CLK3: variants seen among roughly 807,000 people sequenced by gnomAD.
CLK3 encodes CDC like kinase 3.
CLK3 carries 24 observed loss-of-function variants against 65.2 expected under a neutral mutation model. The observed-to-expected ratio is 0.37, with a 90% CI of 0.27 to 0.52. The LOEUF is 0.52. Among genes scored for constraint, CLK3 ranks in the 20% least tolerant of loss-of-function variants. CLK3 has a pLI of 0.92. For missense variants in CLK3, 506 were observed against 660.0 expected, an observed-to-expected ratio of 0.77 and a Z score of 2.56; for synonymous variants, 252 against 240.8, an observed-to-expected ratio of 1.05 and a Z score of -0.43.
chr15:74,608,955 C>T (rs751596821), intron 1 of CLK3, among the ~76,000 whole-genome samples: 3 of 152,218 alleles, frequency 2.0e-5, no homozygotes, highest in Non-Finnish European at 4.4e-5. Context: ...CCCGGGGCCA[C>T]ACCCAGTGCT....
Position 74,615,881 on chromosome 15 carries a change from G to C in CLK3, c.-18G>C. On this transcript the variant is annotated 5_prime_UTR_variant, in exon 1 of 13. Coordinates refer to ENST00000395066, the MANE Select transcript of CLK3 (RefSeq NM_001130028.2). ...GAGCGGGGAGTGGGGCCTAGCTGCA[G>C]CCGGAGCCTGGGAGACGGTAAGTGT... is the stretch of plus-strand genomic sequence containing the variant. 8.0e-7 allele frequency: 1 copy of C among 1,254,660 alleles called. No individual in the cohort carries two copies. The allele number at this position is 1,254,660 out of a possible 1,614,324, so 77.7% of individuals were successfully genotyped here.
chr15:74,614,441 A>C (rs1433779383), upstream of CLK3, among the ~76,000 whole-genome samples: 1 of 152,194 alleles, frequency 6.6e-6, no homozygotes, highest in Non-Finnish European at 1.5e-5. Context: ...AGTCCCCTGC[A>C]AGGAGCTGGA....
In CLK3 at chr15:74,622,377, G is replaced by C. The variant is rs1221052853; in HGVS notation, c.467-117G>C. 1 of 1,051,722 alleles carries C rather than the reference G, an allele frequency of 9.5e-7. No individual in the cohort carries two copies. The highest frequency in any genetic ancestry group is 1.4e-6 in the Non-Finnish European group (1 of 701,794). The allele number at this position is 1,051,722 out of a possible 1,614,324, so 65.1% of individuals were successfully genotyped here. ...ACACTAGCAACTTCCATTTTTAAGAGTGTAGCAGTGAGAGAGAAACCTTTT... is the reference window on the plus strand; with the variant it reads ...ACACTAGCAACTTCCATTTTTAAGACTGTAGCAGTGAGAGAGAAACCTTTT... On this transcript the variant is annotated intron_variant, in intron 4 of 12. Coordinates refer to ENST00000395066, the MANE Select transcript of CLK3 (RefSeq NM_001130028.2). This position sits in a 1 kb window ranked among gnomAD's most constrained non-coding sequence, Gnocchi z 4.6.
chr15:74,619,636 G>A (rs1228984139), intron 2 of CLK3, among the ~76,000 whole-genome samples: 1 of 152,098 alleles, frequency 6.6e-6, no homozygotes, highest in Non-Finnish European at 1.5e-5. Flanking sequence ...GCCTTCCTTG[G>A]TGAGGATTAG....
rs745422495 is a variant in CLK3 at position 74,629,688 on chromosome 15, A to T, written c.1297-19A>T. On this transcript the variant is annotated intron_variant, in intron 12 of 12. Coordinates refer to ENST00000395066, the MANE Select transcript of CLK3 (RefSeq NM_001130028.2). Reference sequence around the variant, plus strand: ...CACGACCCTGCCGTCACACTGAGGCACCTTGTGTCCCTGAGCAGAGTTACA... The same window carrying T: ...CACGACCCTGCCGTCACACTGAGGCTCCTTGTGTCCCTGAGCAGAGTTACA... 6.3e-5 allele frequency: 101 copies of T among 1,597,556 alleles called. No individual in the cohort carries two copies. The highest frequency in any genetic ancestry group is 7.7e-5 in the Non-Finnish European group (90 of 1,167,816).
At chr15:74,611,994 TTC>T (rs1381895185), upstream of CLK3, among the ~76,000 whole-genome samples, 22 of 152,224 alleles carry the variant, frequency 1.4e-4, no homozygotes, top group African/African-American at 4.6e-4. Flanking sequence ...CACTAAACAG[TTC>T]TCAGTTCCCA....
At chr15:74,626,883 G>A (rs2062146973) in intron 7 of CLK3, 7 of 425,918 alleles carry the variant, frequency 1.6e-5, no homozygotes, top group South Asian at 1.0e-4. Flanking sequence ...TATGCGACCT[G>A]TGCACTCAGT....
Position 74,628,587 on chromosome 15 carries a change from T to C in CLK3, c.1126-17T>C. On this transcript the variant is annotated splice_polypyrimidine_tract_variant and intron_variant, in intron 10 of 12. Coordinates refer to ENST00000395066, the MANE Select transcript of CLK3 (RefSeq NM_001130028.2). The stretch of plus-strand genomic sequence containing the variant: ...AGCTAGTACTGACCCCCTTGCACTG[T>C]CCCTAATCTTCCACAGACCCACGAA... 3 of 1,603,658 alleles carry C rather than the reference T, an allele frequency of 1.9e-6. No individual in the cohort carries two copies. Among genetic ancestry groups the C allele is most frequent in the Non-Finnish European group, 1.7e-6 (2 of 1,171,838 alleles).
chr15:74,615,769 C>T, upstream of CLK3: 2 of 1,242,324 alleles, frequency 1.6e-6, no homozygotes, highest in Non-Finnish European at 1.0e-6. Context: ...CGAGCCGGGT[C>T]GAGCCGAGGC....
rs745621658 is a variant in CLK3, at chr15:74,622,097, G to A, written c.370-23G>A. 1.9e-5 allele frequency: 30 copies of A among 1,612,010 alleles called. 1 individual carries two copies. In the South Asian group the frequency reaches 1.9e-4, roughly 10 times the overall value. On this transcript the variant is annotated intron_variant, in intron 3 of 12. Coordinates refer to ENST00000395066, the MANE Select transcript of CLK3 (RefSeq NM_001130028.2). The surrounding 1 kb of genome is among the most constrained non-coding windows in gnomAD (Gnocchi z 4.6). ...CCTACCATGCGATTGGTCGGATGGCGTTTCGGGGGGCGGTGCATGCAGAGA... is the reference window on the plus strand; with the variant it reads ...CCTACCATGCGATTGGTCGGATGGCATTTCGGGGGGCGGTGCATGCAGAGA...
chr15:74,629,947 A>G lies in CLK3; in HGVS notation c.*64A>G, dbSNP rs2062180294. 6.7e-7 allele frequency: 1 copy of G among 1,487,782 alleles called. No individual in the cohort carries two copies. The allele number at this position is 1,487,782 out of a possible 1,614,324, so 92.2% of individuals were successfully genotyped here. A position where few individuals can be genotyped will look rare whatever the true frequency, so the allele number is the denominator to read the frequency against. On this transcript the variant is annotated 3_prime_UTR_variant, in exon 13 of 13. Transcript: ENST00000395066. ...CTGGGCCGCCCAGCCCCTTGACTCC[A>G]GCCTCGACCGCCAGGCCCCAGGCCA...
upstream of CLK3, chr15:74,615,805 G>A (rs2062051439): frequency 1.6e-6 from 2 of 1,245,402 alleles, no homozygotes; most frequent in Non-Finnish European, 1.0e-6. Flanking sequence ...CACGCGAGGG[G>A]GCGGGGCTGC....
upstream of CLK3, among the ~76,000 whole-genome samples, chr15:74,612,710 C>T (rs1021933997): frequency 2.0e-5 from 3 of 152,214 alleles, no homozygotes; most frequent in African/African-American, 7.2e-5. Flanking sequence ...GGCCCAGGCT[C>T]CTGCAGCCCC....
upstream of CLK3, chr15:74,615,765 G>A (rs1049014202): frequency 2.4e-6 from 3 of 1,242,656 alleles, no homozygotes; most frequent in Non-Finnish European, 2.0e-6. Flanking sequence ...CCTCCGAGCC[G>A]GGTCGAGCCG....
In CLK3 at chr15:74,624,409, T is replaced by C. The variant is rs576020894; in HGVS notation, c.534-493T>C. ...TGGGCCTCACAGTGAGAGGTACCCT[T>C]GCTGGTACCCCTACCTCTTGCCAGA... On this transcript the variant is annotated intron_variant, in intron 5 of 12. Transcript: ENST00000395066. The surrounding 1 kb of genome is among the most constrained non-coding windows in gnomAD (Gnocchi z 4.2). 28 of 162,708 alleles carry C rather than the reference T, an allele frequency of 1.7e-4. No individual in the cohort carries two copies. The highest frequency in any genetic ancestry group is 6.7e-4 in the African/African-American group (28 of 41,808). The allele number at this position is 162,708 out of a possible 1,614,324, so 10.1% of individuals were successfully genotyped here.
At position 74,622,705 on chromosome 15, in the gene CLK3, T is replaced by C; in HGVS notation, c.533+145T>C. On this transcript the variant is annotated intron_variant, in intron 5 of 12. Transcript: ENST00000395066. This position sits in a 1 kb window ranked among gnomAD's most constrained non-coding sequence, Gnocchi z 4.6. ...TCAAAGTAGGGTTCCGACCTGTCCA[T>C]GTTGGGGTTTTGCTGACCCCCTGTA... The C allele has an allele frequency of 3.6e-6, 2 of 551,208 alleles. No homozygotes were observed. Among genetic ancestry groups the C allele is most frequent in the Non-Finnish European group, 6.2e-6 (2 of 322,018 alleles). The allele number at this position is 551,208 out of a possible 1,614,324, so 34.1% of individuals were successfully genotyped here.
chr15:74,617,910 T>G (rs2062073097), intron 1 of CLK3, among the ~76,000 whole-genome samples: 1 of 152,212 alleles, frequency 6.6e-6, no homozygotes, highest in Non-Finnish European at 1.5e-5. Flanking sequence ...GGAGGTGATT[T>G]CACAAAATAT....
Position 74,627,495 on chromosome 15 carries a change from G to A in CLK3, c.913-44G>A, listed in dbSNP as rs760680757. ...GCCCTGTTTCAGGGGTGGGTTACCC[G>A]CTGGTGCAGACTCCTGACCTGGCAG... is the stretch of plus-strand genomic sequence containing the variant. On this transcript the variant is annotated intron_variant, in intron 8 of 12. Transcript: ENST00000395066. The surrounding 1 kb of genome is among the most constrained non-coding windows in gnomAD (Gnocchi z 4.3). 5.6e-6 allele frequency: 9 copies of A among 1,614,076 alleles called. No individual in the cohort carries two copies. Among genetic ancestry groups the A allele is most frequent in the Middle Eastern group, 1.6e-4 (1 of 6,082 alleles).
rs890338658 is a variant in CLK3, at chr15:74,629,902, TGA to T, written c.*21_*22del. 1.3e-6 allele frequency: 2 copies of T among 1,598,304 alleles called. No homozygotes were observed. Among genetic ancestry groups the T allele is most frequent in the African/African-American group, 2.7e-5 (2 of 74,528 alleles). Reference sequence around the variant, plus strand: ...CAGATGACAGGCACAGGCCACCGCATGAGGAGATGGAGGGCGGGACTGGGCCG... The same window carrying T: ...CAGATGACAGGCACAGGCCACCGCATGGAGATGGAGGGCGGGACTGGGCCG... On this transcript the variant is annotated 3_prime_UTR_variant, in exon 13 of 13. Transcript: ENST00000395066.
Sources: allele counts gnomAD v4.1 joint callset (sites outside exome capture counted in the v4.1 genomes callset), GRCh38; gene constraint gnomAD v4.1.1; non-coding constraint Gnocchi (gnomAD v3.1); transcripts MANE v1.5; gene names NCBI Gene and HGNC (gene_info 2026-07-23, HGNC 2026-07-21).